The following UTS2B variants were observed in gnomAD, a reference collection of about 807,000 sequenced individuals.
UTS2B encodes the protein urotensin-2B.
Under a neutral mutation model 19.2 loss-of-function variants are expected in UTS2B, and 21 were observed. That is an observed-to-expected ratio of 1.09 (90% confidence interval 0.78 to 1.58). UTS2B has a LOEUF of 1.58. Among genes scored for constraint, UTS2B ranks in the 40% most tolerant of loss-of-function variants. The probability of loss-of-function intolerance (pLI) is 0.00; values close to 1 mark genes in which losing one functional copy is unlikely to be tolerated. For synonymous variants in UTS2B, 57 were observed against 50.2 expected, an observed-to-expected ratio of 1.14 and a Z score of -0.58; for missense variants, 138 against 130.3, an observed-to-expected ratio of 1.06 and a Z score of -0.29.
rs537922230 is a variant in UTS2B at position 191,286,406 on chromosome 3, G to A, written c.-124-4093C>T. 5.5e-4 allele frequency among the ~76,000 whole-genome samples: 82 copies of A among 148,714 alleles called. 1 individual carries two copies. Among genetic ancestry groups the A allele is most frequent in the Admixed American group, 3.1e-3 (45 of 14,702 alleles). On this transcript the variant is annotated intron_variant, in intron 4 of 8. Transcript: ENST00000340524. The stretch of plus-strand genomic sequence containing the variant: ...AATTAACAAATTTAAGAAGAATGAA[G>A]TCATATCTTATATCTTCTCCAACTG...
the UTS2B span, among the ~76,000 whole-genome samples, chr3:191,342,882 A>T: frequency 6.6e-6 from 1 of 152,232 alleles, no homozygotes; most frequent in South Asian, 2.1e-4. Flanking sequence ...ATGCCTTATG[A>T]CTATCAGTGG....
chr3:191,344,122 G>A, the UTS2B span, among the ~76,000 whole-genome samples: 7 of 152,318 alleles, frequency 4.6e-5, no homozygotes, highest in East Asian at 1.9e-4. Context: ...ATGGCAAAGC[G>A]AATTATGCAG....
intron 1 of UTS2B, among the ~76,000 whole-genome samples, chr3:191,329,991 C>G (rs1312421957): frequency 1.3e-5 from 2 of 150,846 alleles, no homozygotes; most frequent in East Asian, 2.0e-4. Context: ...TGGCTGTGCC[C>G]GTGTTCTCGT....
chr3:191,330,127 G>T (rs1051611850), intron 1 of UTS2B, among the ~76,000 whole-genome samples: 1 of 152,074 alleles, frequency 6.6e-6, no homozygotes, highest in Non-Finnish European at 1.5e-5. Flanking sequence ...ATTCAGTTCC[G>T]TGTGGAGCCT....
chr3:191,330,331 TAGTG>T (rs921926694), intron 1 of UTS2B, 79 bp downstream of exon 1: 1 of 134,030 alleles, frequency 7.5e-6, no homozygotes, highest in African/African-American at 2.7e-5. Flanking sequence ...ACACACACAA[TAGTG>T]AGCGAGGGGA....
At chr3:191,315,855 C>T (rs1160833304) in intron 3 of UTS2B, among the ~76,000 whole-genome samples, 181 bp downstream of exon 3, 1 of 152,218 alleles carries the variant, frequency 6.6e-6, no homozygotes, top group Non-Finnish European at 1.5e-5. Context: ...CAATGCACCA[C>T]ACTCAGATTC....
rs112857349 is a variant in UTS2B, at chr3:191,289,767, T to C, written c.-124-7454A>G. Among the ~76,000 whole-genome samples, 692 of 152,284 alleles carry C rather than the reference T, an allele frequency of 4.5e-3. 7 individuals are homozygous for C. Among genetic ancestry groups the C allele is most frequent in the African/African-American group, 0.016 (654 of 41,550 alleles). On this transcript the variant is annotated intron_variant, in intron 4 of 8. Coordinates refer to ENST00000340524, the MANE Select transcript of UTS2B (RefSeq NM_198152.5). ...GAACTATTAGAAGCAGAGAGGAAAATGGTAGTTACCAGGAGCTTGGGTTGT... is the reference window on the plus strand; with the variant it reads ...GAACTATTAGAAGCAGAGAGGAAAACGGTAGTTACCAGGAGCTTGGGTTGT...
At chr3:191,290,130 C>A (rs1423976484) in intron 4 of UTS2B, among the ~76,000 whole-genome samples, 1 of 152,128 alleles carries the variant, frequency 6.6e-6, no homozygotes, top group African/African-American at 2.4e-5. Flanking sequence ...TGTTTCATGA[C>A]CATTTCCATC....
At chr3:191,275,010 T>C (rs1716191346) in intron 8 of UTS2B, among the ~76,000 whole-genome samples, 1 of 152,124 alleles carries the variant, frequency 6.6e-6, no homozygotes, top group African/African-American at 2.4e-5. Context: ...CCAGAGTTTA[T>C]ACAATAAGGA....
upstream of UTS2B, among the ~76,000 whole-genome samples, chr3:191,334,550 G>A (rs1718082755): frequency 6.6e-6 from 1 of 152,152 alleles, no homozygotes; most frequent in African/African-American, 2.4e-5. Context: ...GGGAGGGCAA[G>A]TGAGTTGTAT....
Position 191,289,447 on chromosome 3 carries a change from T to TAAATAAATAAAA in UTS2B, c.-124-7135_-124-7134insTTTTATTTATTT, listed in dbSNP as rs1206575948. Among the ~76,000 whole-genome samples the TAAATAAATAAAA allele has an allele frequency of 5.0e-3, 718 of 144,554 alleles. 3 individuals carry two copies. Among genetic ancestry groups the TAAATAAATAAAA allele is most frequent in the East Asian group, 0.026 (129 of 4,972 alleles). 94.8% of individuals were successfully genotyped at this position (144,554 alleles called of 152,430 possible). A position where few individuals can be genotyped will look rare whatever the true frequency, so the allele number is the denominator to read the frequency against. On this transcript the variant is annotated intron_variant, in intron 4 of 8. Transcript: ENST00000340524. ...ATAAATAAATAAATAAATAAATAAA[T>TAAATAAATAAAA]AAAAAACAAACGAAATTAATATGTT...
intron 8 of UTS2B, among the ~76,000 whole-genome samples, chr3:191,271,555 A>C (rs1334460500): frequency 6.6e-6 from 1 of 152,028 alleles, no homozygotes; most frequent in Non-Finnish European, 1.5e-5. Context: ...TTTTCCCAGA[A>C]ACAGTTTTTT....
chr3:191,343,159 T>TATGCAAGAAG, the UTS2B span, among the ~76,000 whole-genome samples: 3 of 152,210 alleles, frequency 2.0e-5, no homozygotes, highest in African/African-American at 7.2e-5. Flanking sequence ...TGCACCTATT[T>TATGCAAGAAG]TGGTATCTGT....
rs2108608084 is a variant in UTS2B at position 191,316,111 on chromosome 3, G to C, written c.-257C>G. 6.6e-6 allele frequency: 1 copy of C among 152,342 alleles called. No homozygotes were observed. The highest frequency in any genetic ancestry group is 1.5e-5 in the Non-Finnish European group (1 of 68,062). The allele number at this position is 152,342 out of a possible 1,614,324, so 9.4% of individuals were successfully genotyped here. ...CAGTTTCCAAAGTGGTTGGCAATCA[G>C]CTAGATGTCAGCTGTCAGCTGGGAG... is the stretch of plus-strand genomic sequence containing the variant. On this transcript the variant is annotated 5_prime_UTR_variant, in exon 3 of 9. Coordinates refer to ENST00000340524, the MANE Select transcript of UTS2B (RefSeq NM_198152.5).
upstream of UTS2B, among the ~76,000 whole-genome samples, chr3:191,334,637 T>C (rs1718084932): frequency 6.6e-6 from 1 of 152,184 alleles, no homozygotes; most frequent in Non-Finnish European, 1.5e-5. Context: ...TGTGAGTAGT[T>C]GCTTACACAG....
In UTS2B at chr3:191,267,458, T is replaced by G. The variant is rs10937463; in HGVS notation, c.*958A>C. 1 of 151,992 alleles carries G rather than the reference T, an allele frequency of 6.6e-6. No individual in the cohort carries two copies. Among genetic ancestry groups the G allele is most frequent in the African/African-American group, 2.4e-5 (1 of 41,344 alleles). The allele number at this position is 151,992 out of a possible 1,614,324, so 9.4% of individuals were successfully genotyped here. ...TGATTGAAACAGCTACAATTTTAAATAGCAGAGTATTGCGGGATCTGGCCA... is the reference window on the plus strand; with the variant it reads ...TGATTGAAACAGCTACAATTTTAAAGAGCAGAGTATTGCGGGATCTGGCCA... On this transcript the variant is annotated 3_prime_UTR_variant, in exon 9 of 9. Coordinates refer to ENST00000340524, the MANE Select transcript of UTS2B (RefSeq NM_198152.5).
intron 3 of UTS2B, among the ~76,000 whole-genome samples, chr3:191,313,411 C>T (rs2108605408): frequency 6.6e-6 from 1 of 152,318 alleles, no homozygotes; most frequent in Middle Eastern, 3.4e-3. Context: ...CCTTGCTGGT[C>T]AGGACCCAGA....
chr3:191,315,878 C>T (rs1029692451), intron 3 of UTS2B, among the ~76,000 whole-genome samples, 158 bp downstream of exon 3: 1 of 152,204 alleles, frequency 6.6e-6, no homozygotes, highest in Non-Finnish European at 1.5e-5. Flanking sequence ...GGTAAACATG[C>T]TGCCATATTT....
rs1202138151 is a variant in UTS2B at position 191,294,015 on chromosome 3, G to A, written c.-125+10477C>T. Among the ~76,000 whole-genome samples the A allele has an allele frequency of 3.3e-5, 5 of 151,812 alleles. 1 individual carries two copies. Among genetic ancestry groups the A allele is most frequent in the Admixed American group, 1.3e-4 (2 of 15,254 alleles). On this transcript the variant is annotated intron_variant, in intron 4 of 8. Transcript: ENST00000340524. Reference sequence around the variant, plus strand: ...CCCAGCTACTCGGGTGGCTGAGGCTGGAGAATCGCTTGAACCTGGGAGGGG... The same window carrying A: ...CCCAGCTACTCGGGTGGCTGAGGCTAGAGAATCGCTTGAACCTGGGAGGGG...
Sources: allele counts gnomAD v4.1 joint callset (sites outside exome capture counted in the v4.1 genomes callset), GRCh38; gene constraint gnomAD v4.1.1; transcripts MANE v1.5; gene names NCBI Gene and HGNC (gene_info 2026-07-23, HGNC 2026-07-21).